TANGO6: variants seen among roughly 807,000 people sequenced by gnomAD.
The protein encoded by TANGO6 is transport and Golgi organization protein 6 homolog.
Under a neutral mutation model 114.2 loss-of-function variants are expected in TANGO6, and 90 were observed. That is an observed-to-expected ratio of 0.79 (90% CI 0.66 to 0.94). The LOEUF is 0.94. TANGO6 is among the 40% of genes least tolerant of loss of function. TANGO6 has a pLI of 0.00. For missense variants in TANGO6, 1,274 were observed against 1,315.3 expected (o/e 0.97, Z 0.49); for synonymous variants, 477 against 509.8 (o/e 0.94, Z 0.87).
At chr16:68,952,106 A>G (rs1287585370) in intron 14 of TANGO6, among the ~76,000 whole-genome samples, 1 of 152,190 alleles carries the variant, frequency 6.6e-6, no homozygotes, top group Non-Finnish European at 1.5e-5. Context: ...ACCTCCAGGT[A>G]AAGAGTCAGT....
At chr16:68,902,540 T>A in intron 9 of TANGO6, 36 bp downstream of exon 9, 1 of 1,536,152 alleles carries the variant, frequency 6.5e-7, no homozygotes, top group Non-Finnish European at 8.8e-7. Context: ...CTCTTCAGAT[T>A]TAGTTCCGCC....
At chr16:69,042,320 G>T (rs1959786622) in intron 17 of TANGO6, among the ~76,000 whole-genome samples, 1 of 152,190 alleles carries the variant, frequency 6.6e-6, no homozygotes, top group South Asian at 2.1e-4. Context: ...GCTGAGGCGG[G>T]TGGATCACCT....
intron 15 of TANGO6, among the ~76,000 whole-genome samples, chr16:68,999,498 A>C (rs1964020751): frequency 6.6e-6 from 1 of 152,194 alleles, no homozygotes; most frequent in Non-Finnish European, 1.5e-5. Context: ...CAGTGTCTCT[A>C]GTTGTGTCCC....
At chr16:68,918,224 T>C (rs1963035579) in intron 11 of TANGO6, among the ~76,000 whole-genome samples, 1 of 152,288 alleles carries the variant, frequency 6.6e-6, no homozygotes, top group East Asian at 1.9e-4. Context: ...TTCTTATTAT[T>C]GAGCTTTAAG....
chr16:68,874,492 C>G (rs537869284), intron 4 of TANGO6, among the ~76,000 whole-genome samples: 6 of 152,300 alleles, frequency 3.9e-5, no homozygotes, highest in Non-Finnish European at 8.8e-5. Flanking sequence ...CCCTGTCACT[C>G]TACGGCTGTG....
chr16:68,980,532 T>A (rs1963823882), intron 15 of TANGO6, among the ~76,000 whole-genome samples: 1 of 150,306 alleles, frequency 6.7e-6, no homozygotes, highest in Non-Finnish European at 1.5e-5. Flanking sequence ...GCCCCATGAT[T>A]AGCTGGGATT....
chr16:69,067,043 C>T (rs1240373288), intron 17 of TANGO6, among the ~76,000 whole-genome samples: 5 of 152,102 alleles, frequency 3.3e-5, no homozygotes, highest in African/African-American at 4.8e-5. Context: ...ACCACAAATG[C>T]GTGACACCAT....
intron 15 of TANGO6, among the ~76,000 whole-genome samples, chr16:69,020,096 T>TTA (rs1959374191): frequency 6.6e-6 from 1 of 152,132 alleles, no homozygotes; most frequent in Non-Finnish European, 1.5e-5. Context: ...GATATTATAT[T>TTA]TATATATATT....
chr16:68,903,577 C>T (rs2152182847), intron 9 of TANGO6, among the ~76,000 whole-genome samples: 1 of 144,672 alleles, frequency 6.9e-6, no homozygotes, highest in African/African-American at 2.6e-5. Context: ...GGGATCGTAC[C>T]ACTGCACTCC....
At chr16:68,845,296 A>G (rs1177615208) in intron 1 of TANGO6, among the ~76,000 whole-genome samples, 1 of 152,138 alleles carries the variant, frequency 6.6e-6, no homozygotes, top group African/African-American at 2.4e-5. Flanking sequence ...GACTGAGAAC[A>G]CGTTTAAATA....
At chr16:69,015,454 G>A (rs960838572) in intron 15 of TANGO6, among the ~76,000 whole-genome samples, 1 of 94,102 alleles carries the variant, frequency 1.1e-5, no homozygotes, top group African/African-American at 3.1e-5. Flanking sequence ...TTTAACAGAT[G>A]CTCATTTTAT....
intron 16 of TANGO6, chr16:69,035,291 A>G (rs1236468675): frequency 6.6e-6 from 1 of 152,206 alleles, no homozygotes; most frequent in Non-Finnish European, 1.5e-5. Context: ...AGCTCCTGAG[A>G]ATGATTGGTC....
intron 14 of TANGO6, among the ~76,000 whole-genome samples, chr16:68,955,656 T>C (rs915671794): frequency 4.6e-5 from 7 of 152,122 alleles, no homozygotes; most frequent in Non-Finnish European, 8.8e-5. Context: ...GATTCAGGAG[T>C]GAATATACTT....
intron 14 of TANGO6, among the ~76,000 whole-genome samples, chr16:68,955,210 T>C (rs1316202541): frequency 2.0e-5 from 3 of 152,248 alleles, no homozygotes; most frequent in African/African-American, 7.2e-5. Context: ...ATGAAATCGT[T>C]GCTTGGAAAC....
intron 15 of TANGO6, among the ~76,000 whole-genome samples, chr16:68,989,826 G>T (rs538576715): frequency 6.6e-6 from 1 of 152,260 alleles, no homozygotes; most frequent in African/African-American, 2.4e-5. Context: ...TCAAATCTCA[G>T]TTCAGTTCTT....
chr16:68,994,079 T>A (rs1414334293), intron 15 of TANGO6, among the ~76,000 whole-genome samples: 1 of 152,206 alleles, frequency 6.6e-6, no homozygotes, highest in Non-Finnish European at 1.5e-5. Context: ...TGGAGTTCAA[T>A]GAGCTGTTGA....
intron 3 of TANGO6, among the ~76,000 whole-genome samples, chr16:68,865,555 C>T (rs1321868326): frequency 1.3e-5 from 2 of 152,156 alleles, no homozygotes; most frequent in Admixed American, 6.6e-5. Context: ...CACAGTGGCT[C>T]CACAGAACTC....
At chr16:69,022,628 T>G (rs571231123) in intron 15 of TANGO6, among the ~76,000 whole-genome samples, 200 bp from the exon 16 acceptor site, 22 of 151,804 alleles carry the variant, frequency 1.4e-4, no homozygotes, top group Admixed American at 3.9e-4. Flanking sequence ...CACCAGAGCC[T>G]GGGAGGTCAA....
intron 14 of TANGO6, among the ~76,000 whole-genome samples, chr16:68,955,528 C>A (rs1349126264): frequency 6.6e-6 from 1 of 152,148 alleles, no homozygotes; most frequent in Admixed American, 6.6e-5. Flanking sequence ...CTGTTACTTG[C>A]AGCACTTATT....
Sources: gnomAD v4.1 joint callset for allele counts (sites outside exome capture counted in the v4.1 genomes callset) on GRCh38, gnomAD v4.1.1 for gene constraint, MANE v1.5 for transcripts, NCBI Gene and HGNC (gene_info 2026-07-23, HGNC 2026-07-21) for gene names.